The following ANAPC1 variants were observed in gnomAD, a reference collection of about 807,000 sequenced individuals.
The protein encoded by ANAPC1 is anaphase-promoting complex subunit 1.
In ANAPC1, 36 loss-of-function variants were observed where a neutral mutation model predicts 208.0. The observed-to-expected ratio is 0.17, with a 90% CI of 0.13 to 0.23. ANAPC1 has a LOEUF of 0.23. Ranked by LOEUF, ANAPC1 falls within the 10% of genes least tolerant of loss-of-function variation. ANAPC1 has a pLI of 1.00. For missense variants in ANAPC1, 942 were observed against 2,011.6 expected (o/e 0.47, Z 10.17); for synonymous variants, 378 against 695.2 (o/e 0.54, Z 7.18).
chr2:111,838,412 T>C, intron 18 of ANAPC1, 26 bp downstream of exon 18: 2 of 1,559,492 alleles, frequency 1.3e-6, no homozygotes, highest in Non-Finnish European at 1.7e-6. Context: ...AATTAATTTA[T>C]ATTAGCAAGA....
intron 17 of ANAPC1, among the ~76,000 whole-genome samples, chr2:111,839,554 T>A (rs1310136545): frequency 6.6e-6 from 1 of 152,224 alleles, no homozygotes; most frequent in East Asian, 1.9e-4. Context: ...GATTTCTATA[T>A]AAAAACTAAA....
In ANAPC1 at chr2:111,825,789, T is replaced by C. The variant is rs578152172; in HGVS notation, c.2692A>G (p.Arg898Gly). 88 of 1,613,540 alleles carry C rather than the reference T, an allele frequency of 5.5e-5. 1 individual carries two copies. The East Asian group carries it at 1.6e-3, about 30-fold the overall frequency. The change falls in exon 22 of 48, where the codon AGA (arginine) becomes GGA (glycine). Residue 898 changes from arginine (R) to glycine (G), a missense_variant. By Grantham distance (125) the Arg-to-Gly change is moderately radical. Transcript: ENST00000341068. ...TGCACCAACTTACCTATAGTTATTC[T>C]GGTTAAATACTGTGAGGATTCATCA... is the stretch of plus-strand genomic sequence containing the variant. ...VSDESSQYLTRITIAPQKLQV... is the reference protein window; with the variant it reads ...VSDESSQYLTGITIAPQKLQV...
intron 45 of ANAPC1, 110 bp from the exon 46 acceptor site, chr2:111,777,167 G>A (rs555412902): frequency 2.4e-5 from 15 of 624,810 alleles, no homozygotes; most frequent in African/African-American, 3.7e-5. Context: ...ATAAAGGGTC[G>A]GGGGGTGGTC....
rs1239543424 is a variant in ANAPC1, at chr2:111,843,469, C to A, written c.1983G>T (p.Val661=). ...AACCCATCATGTTCATGAGACAAGTCACAAATAAATTCCACTCTGAGTGAT... is the reference window on the plus strand; with the variant it reads ...AACCCATCATGTTCATGAGACAAGTAACAAATAAATTCCACTCTGAGTGAT... ...PSYHSEWNLF[V]TCLMNMMGYN... Residue 661 remains valine, a synonymous_variant, in exon 17 of 48, where the codon GTG becomes GTT. Transcript: ENST00000341068. 1 of 1,611,862 alleles carries A rather than the reference C, an allele frequency of 6.2e-7. No homozygotes were observed. Among genetic ancestry groups the A allele is most frequent in the African/African-American group, 1.3e-5 (1 of 74,854 alleles).
In ANAPC1 at chr2:111,834,533, C is replaced by T. The variant is rs1268420424; in HGVS notation, c.2384+71G>A. The T allele has an allele frequency of 5.0e-6, 2 of 402,074 alleles. 1 individual carries two copies. The highest frequency in any genetic ancestry group is 7.0e-6 in the Non-Finnish European group (2 of 287,592). The allele number at this position is 402,074 out of a possible 1,614,324, so 24.9% of individuals were successfully genotyped here. On this transcript the variant is annotated intron_variant, in intron 19 of 47. Transcript: ENST00000341068. The stretch of plus-strand genomic sequence containing the variant: ...TTATTTACAAGGTCCCTATATGATA[C>T]AAGGTTCCTATATGGAAAAGACAGT...
At chr2:111,857,721 A>T (rs1681811243) in intron 11 of ANAPC1, among the ~76,000 whole-genome samples, 1 of 152,210 alleles carries the variant, frequency 6.6e-6, no homozygotes, top group African/African-American at 2.4e-5. Context: ...ACATATGTCC[A>T]CATTTTTGCT....
intron 3 of ANAPC1, among the ~76,000 whole-genome samples, chr2:111,878,328 T>A (rs1449351693): frequency 6.6e-6 from 1 of 152,210 alleles, no homozygotes; most frequent in African/African-American, 2.4e-5. Context: ...CCTGAAAAAA[T>A]ATGGCAAATG....
chr2:111,856,952 T>C (rs1340518377), intron 11 of ANAPC1, 66 bp from the exon 12 acceptor site: 11 of 1,271,072 alleles, frequency 8.7e-6, no homozygotes, highest in South Asian at 1.3e-5. Context: ...AAAAGTATTA[T>C]ACTGAACAGA....
Position 111,872,668 on chromosome 2 carries a change from T to G in ANAPC1, c.573A>C (p.Arg191=). 1 of 1,613,750 alleles carries G rather than the reference T, an allele frequency of 6.2e-7. No homozygotes were observed. The highest frequency in any genetic ancestry group is 8.5e-7 in the Non-Finnish European group (1 of 1,179,734). The change falls in exon 6 of 48, where the codon CGA becomes CGC. Residue 191 remains arginine (R), a synonymous_variant. Transcript: ENST00000341068. ...WPTKYGLLFE[R]SASSHEVPPG... Reference sequence around the variant, plus strand: ...GAGGTACTTCATGTGAAGAAGCGCTTCGTTCAAACAGCAATCCATATTTAG... The same window carrying G: ...GAGGTACTTCATGTGAAGAAGCGCTGCGTTCAAACAGCAATCCATATTTAG...
chr2:111,851,682 G>A (rs1420004890), intron 13 of ANAPC1, among the ~76,000 whole-genome samples: 1 of 151,834 alleles, frequency 6.6e-6, no homozygotes, highest in Non-Finnish European at 1.5e-5. Flanking sequence ...GTGGTGGCGG[G>A]CGCCTGTAGT....
chr2:111,858,539 T>A (rs1462236302), intron 10 of ANAPC1, 138 bp from the exon 11 acceptor site: 3 of 491,582 alleles, frequency 6.1e-6, no homozygotes, highest in Non-Finnish European at 1.1e-5. Flanking sequence ...GGCGGGCAGA[T>A]CACGAGGTCA....
chr2:111,788,764 AAC>A (rs1289170860), intron 38 of ANAPC1, among the ~76,000 whole-genome samples: 1 of 150,846 alleles, frequency 6.6e-6, no homozygotes, highest in African/African-American at 2.5e-5. Context: ...TTGGTATTTA[AAC>A]AGTTTTTTCT....
chr2:111,851,453 C>T (rs956864816), intron 13 of ANAPC1, among the ~76,000 whole-genome samples: 14 of 151,888 alleles, frequency 9.2e-5, no homozygotes, highest in Non-Finnish European at 1.9e-4. Flanking sequence ...TTAATATAGT[C>T]AACACATTAT....
intron 25 of ANAPC1, 26 bp from the exon 26 acceptor site, chr2:111,821,479 A>T (rs1679531255): frequency 1.4e-6 from 2 of 1,439,670 alleles, no homozygotes. Context: ...TATTGTAATA[A>T]TAATTTCAAA....
At chr2:111,870,707 C>T (rs1171203445) in intron 6 of ANAPC1, among the ~76,000 whole-genome samples, 1 of 152,026 alleles carries the variant, frequency 6.6e-6, no homozygotes, top group African/African-American at 2.4e-5. Context: ...TTAATTAGGT[C>T]CCATTTATTT....
intron 9 of ANAPC1, 47 bp from the exon 10 acceptor site, chr2:111,862,645 G>A: frequency 4.4e-6 from 7 of 1,588,214 alleles, no homozygotes; most frequent in Non-Finnish European, 6.0e-6. Context: ...AGCAAGGCAG[G>A]CTTATATGAC....
At chr2:111,839,178 CA>C (rs1257260841) in intron 17 of ANAPC1, among the ~76,000 whole-genome samples, 10 of 152,184 alleles carry the variant, frequency 6.6e-5, no homozygotes, top group African/African-American at 2.4e-4. Context: ...CAACCAATGG[CA>C]ATCTTTGAAC....
intron 21 of ANAPC1, among the ~76,000 whole-genome samples, chr2:111,828,159 C>A (rs542593098): frequency 6.6e-6 from 1 of 151,962 alleles, no homozygotes; most frequent in East Asian, 1.9e-4. Context: ...ACGTAAATGG[C>A]CAATAAACAC....
intron 17 of ANAPC1, among the ~76,000 whole-genome samples, chr2:111,842,692 G>C (rs1222587926): frequency 2.0e-5 from 3 of 150,066 alleles, no homozygotes; most frequent in Non-Finnish European, 3.0e-5. Context: ...AAAACATATA[G>C]AATGGTACAG....
Sources: allele counts gnomAD v4.1 joint callset (sites outside exome capture counted in the v4.1 genomes callset), GRCh38; gene constraint gnomAD v4.1.1; transcripts MANE v1.5; gene names NCBI Gene and HGNC (gene_info 2026-07-23, HGNC 2026-07-21).